The following NCEH1 variants were observed in gnomAD, a reference collection of about 807,000 sequenced individuals.
NCEH1 encodes neutral cholesterol ester hydrolase 1.
In NCEH1, 9 loss-of-function variants were observed where a neutral mutation model predicts 25.4. The observed-to-expected ratio is 0.35, with a 90% confidence interval of 0.21 to 0.62. The LOEUF (loss-of-function observed/expected upper bound fraction) is 0.62, where lower values mean the gene tolerates loss of function less well. NCEH1 is among the 20% of genes least tolerant of loss of function. The probability of loss-of-function intolerance (pLI) is 0.72; values close to 1 mark genes in which losing one functional copy is unlikely to be tolerated. For synonymous variants in NCEH1, 200 were observed against 199.8 expected, an observed-to-expected ratio of 1.00 and a Z score of -0.01; for missense variants, 412 against 501.1, an observed-to-expected ratio of 0.82 and a Z score of 1.70.
At chr3:172,655,522 G>A (rs1717650724) in intron 1 of NCEH1, among the ~76,000 whole-genome samples, 1 of 152,206 alleles carries the variant, frequency 6.6e-6, no homozygotes, top group Non-Finnish European at 1.5e-5. Flanking sequence ...GAAGGAGAGA[G>A]AGTTGGGGAA....
chr3:172,700,367 A>C (rs933001448), intron 1 of NCEH1, among the ~76,000 whole-genome samples: 3 of 151,342 alleles, frequency 2.0e-5, no homozygotes, highest in Non-Finnish European at 4.4e-5. Context: ...TGGGAGCTCA[A>C]AAAAAAAATC....
intron 1 of NCEH1, among the ~76,000 whole-genome samples, chr3:172,690,704 T>G (rs544549575): frequency 3.3e-5 from 5 of 152,280 alleles, no homozygotes; most frequent in South Asian, 2.1e-4. Context: ...TGACACAAGC[T>G]CTAATGCATC....
chr3:172,690,612 T>C (rs1712980817), intron 1 of NCEH1, among the ~76,000 whole-genome samples: 1 of 152,220 alleles, frequency 6.6e-6, no homozygotes, highest in South Asian at 2.1e-4. Flanking sequence ...TTATACAATA[T>C]GTCCACTGTA....
chr3:172,647,987 C>T lies in NCEH1; in HGVS notation c.266G>A (p.Gly89Asp), dbSNP rs1717200158. 8.7e-6 allele frequency: 14 copies of T among 1,614,108 alleles called. No individual in the cohort carries two copies. Among genetic ancestry groups the T allele is most frequent in the East Asian group, 4.5e-5 (2 of 44,902 alleles). ...QVKVTDTDFDGVEVRVFEGPP... is the reference protein window; with the variant it reads ...QVKVTDTDFDDVEVRVFEGPP... ...GCCTTCAAACACTCTGACTTCCACA[C>T]CATCAAAGTCTGTGTCGGTCACCTT... The change falls in exon 2 of 5, where the codon GGT (glycine) becomes GAT (aspartate). Residue 89 changes from glycine (G) to aspartate (D), a missense_variant. Gly to Asp is a moderately conservative substitution (Grantham distance 94, BLOSUM62 -1). Transcript: ENST00000475381.
chr3:172,649,118 C>G (rs1030080198), intron 1 of NCEH1, among the ~76,000 whole-genome samples: 1 of 152,122 alleles, frequency 6.6e-6, no homozygotes, highest in Non-Finnish European at 1.5e-5. Context: ...CGACGGTACA[C>G]CTTGAAGAGG....
At chr3:172,660,969 TAGTTTA>T (rs1211983923) in intron 1 of NCEH1, among the ~76,000 whole-genome samples, 1 of 152,212 alleles carries the variant, frequency 6.6e-6, no homozygotes, top group Non-Finnish European at 1.5e-5. Context: ...AGAAGCTCTT[TAGTTTA>T]ATTAGATCCC....
At chr3:172,641,696 C>T (rs1716860685) in intron 3 of NCEH1, among the ~76,000 whole-genome samples, 4 of 152,172 alleles carry the variant, frequency 2.6e-5, no homozygotes, top group Admixed American at 2.6e-4. Context: ...TTCTGTTTTC[C>T]TCAGTCGTCC....
At chr3:172,683,798 A>G (rs935614650) in intron 1 of NCEH1, among the ~76,000 whole-genome samples, 7 of 152,238 alleles carry the variant, frequency 4.6e-5, no homozygotes, top group Non-Finnish European at 8.8e-5. Context: ...TTTCAAGAAG[A>G]ATACATCTAA....
At position 172,647,971 on chromosome 3, in the gene NCEH1, C is replaced by G; in HGVS notation, c.282G>C (p.Val94=). ...CTTCGGGCTTCGGAGGGCCTTCAAACACTCTGACTTCCACACCATCAAAGT... is the reference window on the plus strand; with the variant it reads ...CTTCGGGCTTCGGAGGGCCTTCAAAGACTCTGACTTCCACACCATCAAAGT... The part of the protein sequence containing the change: ...DTDFDGVEVR[V]FEGPPKPEEP... Residue 94 remains valine (V), a synonymous_variant, in exon 2 of 5, where the codon GTG becomes GTC. Transcript: ENST00000475381. 1 of 1,614,214 alleles carries G rather than the reference C, an allele frequency of 6.2e-7. No individual in the cohort carries two copies.
rs140659896 is a variant in NCEH1, at chr3:172,667,670, G to A, written c.139-19556C>T. 6.6e-5 allele frequency among the ~76,000 whole-genome samples: 10 copies of A among 152,280 alleles called. No homozygotes were observed. In the East Asian group the frequency reaches 1.7e-3, roughly 26 times the overall value. On this transcript the variant is annotated intron_variant, in intron 1 of 4. Coordinates refer to ENST00000475381, the MANE Select transcript of NCEH1 (RefSeq NM_020792.6). ...CACCCTAGGTCATACGGAAAGGAAG[G>A]AGACTAAGAGGATGCTTTTATTCTC... is the stretch of plus-strand genomic sequence containing the variant.
At chr3:172,672,733 G>C (rs1370542469) in intron 1 of NCEH1, among the ~76,000 whole-genome samples, 1 of 152,214 alleles carries the variant, frequency 6.6e-6, no homozygotes, top group Non-Finnish European at 1.5e-5. Context: ...AAGGACAAAG[G>C]CTCTAGCAGC....
chr3:172,656,521 C>A (rs1227824542), intron 1 of NCEH1, among the ~76,000 whole-genome samples: 4 of 152,116 alleles, frequency 2.6e-5, no homozygotes, highest in Non-Finnish European at 5.9e-5. Context: ...AATCCCAGCA[C>A]TTTGGGAGGC....
In NCEH1 at chr3:172,635,729, A is replaced by G. The variant is rs188274890; in HGVS notation, c.609+187T>C. Among the ~76,000 whole-genome samples the G allele has an allele frequency of 4.1e-4, 63 of 152,318 alleles. 1 individual carries two copies. Among genetic ancestry groups the G allele is most frequent in the African/African-American group, 1.3e-3 (53 of 41,574 alleles). On this transcript the variant is annotated intron_variant, in intron 4 of 4. Coordinates refer to ENST00000475381, the MANE Select transcript of NCEH1 (RefSeq NM_020792.6). ...AGACTCATAGGTGATACTTCCTCCA[A>G]TGACTCATCTTCCTACTTCAACGAG...
At chr3:172,679,527 T>C (rs530468167) in intron 1 of NCEH1, among the ~76,000 whole-genome samples, 1 of 152,064 alleles carries the variant, frequency 6.6e-6, no homozygotes, top group African/African-American at 2.4e-5. Context: ...CTCCCACTAA[T>C]TCATTCAGCA....
In NCEH1 at chr3:172,656,224, A is replaced by G. The variant is rs189715798; in HGVS notation, c.139-8110T>C. On this transcript the variant is annotated intron_variant, in intron 1 of 4. Coordinates refer to ENST00000475381, the MANE Select transcript of NCEH1 (RefSeq NM_020792.6). ...TTGTAGACATAAGGAAGGCACTAGA[A>G]CAGTTGGGAGAGACTTGAACGTGCT... 3.9e-5 allele frequency among the ~76,000 whole-genome samples: 6 copies of G among 152,328 alleles called. No homozygotes were observed. The East Asian group carries it at 9.6e-4, about 24-fold the overall frequency.
At chr3:172,678,132 A>C (rs1345628123) in intron 1 of NCEH1, among the ~76,000 whole-genome samples, 1 of 152,218 alleles carries the variant, frequency 6.6e-6, no homozygotes, top group African/African-American at 2.4e-5. Context: ...GTAGGTCATG[A>C]AATGTATCCC....
At chr3:172,634,158 G>GTA in intron 4 of NCEH1, 66 bp from the exon 5 acceptor site, 1 of 1,455,916 alleles carries the variant, frequency 6.9e-7, no homozygotes, top group Admixed American at 1.9e-5. Context: ...ACCATACCCT[G>GTA]TAGAGTAGCT....
At position 172,694,400 on chromosome 3, in the gene NCEH1, G is replaced by C. The variant is rs1353769003; in HGVS notation, c.138+16447C>G. Among the ~76,000 whole-genome samples, 57 of 151,516 alleles carry C rather than the reference G, an allele frequency of 3.8e-4. No homozygotes were observed. The South Asian group carries it at 5.0e-3, about 13-fold the overall frequency. On this transcript the variant is annotated intron_variant, in intron 1 of 4. Coordinates refer to ENST00000475381, the MANE Select transcript of NCEH1 (RefSeq NM_020792.6). ...TATATGTGTGTGTGTGTGTCTGTGT[G>C]TGTGTGTGTGTGTGTATGTGTGTAT...
intron 3 of NCEH1, among the ~76,000 whole-genome samples, chr3:172,642,299 G>A (rs114215360): frequency 0.015 from 2,316 of 152,022 alleles, 29 homozygotes; most frequent in Non-Finnish European, 0.025. Context: ...CCAGCCTCTT[G>A]AGTAGCTGGA....
Sources: allele counts gnomAD v4.1 joint callset (sites outside exome capture counted in the v4.1 genomes callset), GRCh38; gene constraint gnomAD v4.1.1; transcripts MANE v1.5; gene names NCBI Gene and HGNC (gene_info 2026-07-23, HGNC 2026-07-21).